PLS3: variants seen among roughly 807,000 people sequenced by gnomAD.
PLS3 encodes the protein plastin-3.
In PLS3, 11 loss-of-function variants were observed where a neutral mutation model predicts 46.5. That is an observed-to-expected ratio of 0.24 (90% confidence interval 0.15 to 0.39). The LOEUF is 0.39. Among genes scored for constraint, PLS3 ranks in the 10% least tolerant of loss-of-function variants. The probability of loss-of-function intolerance (pLI) is 1.00; values close to 1 mark genes in which losing one functional copy is unlikely to be tolerated. For synonymous variants in PLS3, 167 were observed against 162.2 expected (o/e 1.03, Z -0.22); for missense variants, 308 against 461.8 (o/e 0.67, Z 3.05).
At chrX:115,567,664 A>G (rs1179950044) in intron 1 of PLS3, among the ~76,000 whole-genome samples, 1 of 109,179 alleles carries the variant, frequency 9.2e-6, no homozygotes, top group Non-Finnish European at 1.9e-5. Context: ...TGAAAAATAA[A>G]CACCTTCAAA....
intron 1 of PLS3, among the ~76,000 whole-genome samples, chrX:115,580,252 A>G (rs1177240951): frequency 8.9e-6 from 1 of 112,044 alleles, no homozygotes; most frequent in Non-Finnish European, 1.9e-5. Flanking sequence ...TTTTGGTGTC[A>G]TGTCCGAGAA....
At chrX:115,640,023 T>C in intron 8 of PLS3, 3 of 625,933 alleles carry the variant, frequency 4.8e-6, no homozygotes, top group South Asian at 2.6e-5. Flanking sequence ...TGCTTTGTAA[T>C]GATATAACCT....
chrX:115,624,440 C>A (rs1231559794), intron 3 of PLS3: 1 of 111,226 alleles, frequency 9.0e-6, no homozygotes, highest in African/African-American at 3.3e-5. Context: ...ATCACTTGCT[C>A]CCCTTTTAAC....
At chrX:115,645,203 TTA>T (rs2074938830) in intron 11 of PLS3, 104 bp downstream of exon 11, 2 of 553,063 alleles carry the variant, frequency 3.6e-6, no homozygotes, top group South Asian at 6.1e-5. Flanking sequence ...TAGCTATTAT[TTA>T]TATTGGAAAA....
intron 2 of PLS3, among the ~76,000 whole-genome samples, chrX:115,612,063 T>C (rs1275252279): frequency 5.4e-5 from 6 of 111,619 alleles, no homozygotes; most frequent in Non-Finnish European, 7.5e-5. Flanking sequence ...TATTATTCTT[T>C]TGTAGTCTCC....
chrX:115,642,098 C>T (rs1223598836), intron 9 of PLS3, among the ~76,000 whole-genome samples: 9 of 91,930 alleles, frequency 9.8e-5, no homozygotes, highest in Non-Finnish European at 1.6e-4. Context: ...AGGCTGGTTT[C>T]GAACTCCTGG....
At position 115,649,540 on chromosome X, in the gene PLS3, C is replaced by T. The variant is rs1556642207; in HGVS notation, c.1872C>T (p.Gly624=). The change falls in exon 16 of 16, where the codon GGC becomes GGT. Residue 624 remains glycine, a synonymous_variant. Transcript: ENST00000355899. Reference sequence around the variant, plus strand: ...TGACTGTGTTTGCATGTTTGATGGGCAGGGGAATGAAGAGAGTGTAAAATA... The same window carrying T: ...TGACTGTGTTTGCATGTTTGATGGGTAGGGGAATGAAGAGAGTGTAAAATA... ...MVMTVFACLM[G]RGMKRV The T allele has an allele frequency of 8.3e-7, 1 of 1,208,066 alleles. No homozygotes were observed. Among genetic ancestry groups the T allele is most frequent in the Non-Finnish European group, 1.1e-6 (1 of 893,182 alleles).
chrX:115,618,233 A>G (rs182777092), intron 2 of PLS3, among the ~76,000 whole-genome samples: 269 of 111,945 alleles, frequency 2.4e-3, no homozygotes, highest in African/African-American at 8.3e-3. Flanking sequence ...CCATTATAAC[A>G]CTGAGAATAC....
chrX:115,596,669 T>G (rs1023312736), intron 1 of PLS3, among the ~76,000 whole-genome samples: 4 of 110,395 alleles, frequency 3.6e-5, no homozygotes, highest in African/African-American at 9.9e-5. Context: ...AAACCCCGTC[T>G]CTCCTAAAAG....
rs782674563 is a variant in PLS3, at chrX:115,647,349, T to C, written c.1512-201T>C. On this transcript the variant is annotated intron_variant, in intron 13 of 15. Coordinates refer to ENST00000355899, the MANE Select transcript of PLS3 (RefSeq NM_005032.7). ...TCAGGAAGCTGAGGCAGGAGAATGG[T>C]GTGAACCCGGGAGGCGGAGCTTGCA... Among the ~76,000 whole-genome samples the C allele has an allele frequency of 4.0e-3, 449 of 111,444 alleles. 4 individuals are homozygous for C. The highest frequency in any genetic ancestry group is 6.4e-3 in the Non-Finnish European group (340 of 53,038).
At chrX:115,643,692 C>T (rs782377110) in intron 10 of PLS3, among the ~76,000 whole-genome samples, 184 bp downstream of exon 10, 12 of 111,798 alleles carry the variant, frequency 1.1e-4, no homozygotes, top group Non-Finnish European at 2.1e-4. Context: ...TAGTCGAGGC[C>T]GGGCACGGTG....
intron 1 of PLS3, among the ~76,000 whole-genome samples, chrX:115,564,259 T>C (rs2074158272): frequency 8.9e-6 from 1 of 112,215 alleles, no homozygotes; most frequent in Non-Finnish European, 1.9e-5. Context: ...ACGATCAACA[T>C]TGAAGTCCAA....
chrX:115,569,156 T>C (rs906429228), intron 1 of PLS3, among the ~76,000 whole-genome samples: 5 of 111,674 alleles, frequency 4.5e-5, no homozygotes, highest in Non-Finnish European at 9.4e-5. Flanking sequence ...TGGAAGTATT[T>C]TGGTTTTCTC....
At chrX:115,568,214 T>C (rs957935496) in intron 1 of PLS3, among the ~76,000 whole-genome samples, 1 of 111,808 alleles carries the variant, frequency 8.9e-6, no homozygotes, top group African/African-American at 3.3e-5. Context: ...TGATACGAAA[T>C]TGTCCCTAGA....
intron 1 of PLS3, among the ~76,000 whole-genome samples, chrX:115,596,556 G>A (rs2074390901): frequency 8.9e-6 from 1 of 111,864 alleles, no homozygotes; most frequent in African/African-American, 3.2e-5. Flanking sequence ...ATAATACAAG[G>A]CTGGGCACAG....
intron 2 of PLS3, among the ~76,000 whole-genome samples, chrX:115,613,081 A>T (rs1363403268): frequency 8.9e-6 from 1 of 112,046 alleles, no homozygotes; most frequent in East Asian, 2.8e-4. Flanking sequence ...CATTTGGATG[A>T]TTACTTGTCA....
intron 1 of PLS3, among the ~76,000 whole-genome samples, chrX:115,591,049 G>GA (rs1556633040): frequency 9.1e-6 from 1 of 109,709 alleles, no homozygotes; most frequent in Non-Finnish European, 1.9e-5. Flanking sequence ...TGAGGCAGGA[G>GA]AATGGCATGA....
intron 2 of PLS3, 78 bp downstream of exon 2, chrX:115,610,401 T>C (rs886625279): frequency 9.2e-5 from 45 of 490,675 alleles, no homozygotes; most frequent in Non-Finnish European, 7.5e-5. Flanking sequence ...AAATATCACA[T>C]GAATGGTTAA....
intron 8 of PLS3, chrX:115,639,908 G>T (rs7051609): frequency 2.3e-6 from 1 of 436,367 alleles, no homozygotes; most frequent in Non-Finnish European, 4.0e-6. Context: ...TGTTATTTTA[G>T]CAACTAAAAT....
Sources: gnomAD v4.1 joint callset for allele counts (sites outside exome capture counted in the v4.1 genomes callset) on GRCh38, gnomAD v4.1.1 for gene constraint, MANE v1.5 for transcripts, NCBI Gene and HGNC (gene_info 2026-07-23, HGNC 2026-07-21) for gene names.